FLNA: variants seen among roughly 807,000 people sequenced by gnomAD.
FLNA encodes the protein filamin A.
A neutral mutation model predicts 157.6 loss-of-function variants in FLNA; 7 were observed. The observed-to-expected ratio is 0.04, with a 90% confidence interval of 0.03 to 0.08. The LOEUF (loss-of-function observed/expected upper bound fraction) is 0.08, where lower values mean the gene tolerates loss of function less well. Ranked by LOEUF, FLNA falls within the 10% of genes least tolerant of loss-of-function variation. The pLI is 1.00. For missense variants in FLNA, 1,750 were observed against 2,398.4 expected, an observed-to-expected ratio of 0.73 and a Z score of 5.65; for synonymous variants, 1,103 against 1,060.8, an observed-to-expected ratio of 1.04 and a Z score of -0.77.
Position 154,348,791 on chromosome X carries a change from G to C in FLNA, c.*58C>G. ...GGGCCGGGGTTGAGGGGAAGAGGGCGGGGCTGCTTGGGTAGCGGGGCAGGC... is the reference window on the plus strand; with the variant it reads ...GGGCCGGGGTTGAGGGGAAGAGGGCCGGGCTGCTTGGGTAGCGGGGCAGGC... On this transcript the variant is annotated 3_prime_UTR_variant, in exon 48 of 48. Coordinates refer to ENST00000369850, the MANE Select transcript of FLNA (RefSeq NM_001110556.2). The C allele has an allele frequency of 9.1e-7, 1 of 1,104,744 alleles. No homozygotes were observed. The highest frequency in any genetic ancestry group is 1.2e-6 in the Non-Finnish European group (1 of 811,846). 91.0% of individuals were successfully genotyped at this position (1,104,744 alleles called of 1,213,427 possible). A position where few individuals can be genotyped will look rare whatever the true frequency, so the allele number is the denominator to read the frequency against.
chrX:154,360,717 G>C (rs1557177835), intron 21 of FLNA, 130 bp from the exon 22 acceptor site: 1 of 594,152 alleles, frequency 1.7e-6, no homozygotes, highest in Non-Finnish European at 2.7e-6. Context: ...GGCGGGCCCA[G>C]GCTGCCTGCC....
chrX:154,350,490 TG>T, intron 44 of FLNA: 1 of 412,332 alleles, frequency 2.4e-6, no homozygotes, highest in South Asian at 3.5e-5. Flanking sequence ...CCATATCCCC[TG>T]CATGTTAACA....
At chrX:154,369,749 C>T (rs1025416554) in intron 2 of FLNA, among the ~76,000 whole-genome samples, 9 of 111,779 alleles carry the variant, frequency 8.1e-5, no homozygotes, top group Admixed American at 7.5e-4. Context: ...CTCAGCTTGG[C>T]TAGACTGAGG....
rs1398472376 is a variant in FLNA at position 154,348,599 on chromosome X, C to T, written c.*250G>A. 7.9e-6 allele frequency: 3 copies of T among 379,267 alleles called. No individual in the cohort carries two copies. The Admixed American group carries it at 1.5e-4, about 19-fold the overall frequency. The allele number at this position is 379,267 out of a possible 1,213,427, so 31.3% of individuals were successfully genotyped here. On this transcript the variant is annotated 3_prime_UTR_variant, in exon 48 of 48. Coordinates refer to ENST00000369850, the MANE Select transcript of FLNA (RefSeq NM_001110556.2). ...TAGTGGGTGGTTGTGTACAGGACCC[C>T]CATCCCTCACCCCTCCCAGAACCAA...
Position 154,359,474 on chromosome X carries a change from G to A in FLNA, c.4142+10C>T, listed in dbSNP as rs1428214416. On this transcript the variant is annotated intron_variant, in intron 24 of 47. Coordinates refer to ENST00000369850, the MANE Select transcript of FLNA (RefSeq NM_001110556.2). ...CCACCAGCCACACGGGCTCCTGGGG[G>A]CTCCCTTACCTGGTCTCCACAGTGA... 4.1e-6 allele frequency: 5 copies of A among 1,210,535 alleles called. No individual in the cohort carries two copies. The highest frequency in any genetic ancestry group is 5.6e-6 in the Non-Finnish European group (5 of 895,276).
Position 154,371,304 on chromosome X carries a change from T to A in FLNA, c.-59A>T. The A allele has an allele frequency of 8.5e-7, 1 of 1,172,805 alleles. No homozygotes were observed. The highest frequency in any genetic ancestry group is 1.9e-5 in the South Asian group (1 of 53,615). ...CAGCCTCGGCGAGGGGACGGCCCTT[T>A]AATTAAAGTCGCAGGCACCTAGGCG... On this transcript the variant is annotated 5_prime_UTR_variant, in exon 2 of 48. Coordinates refer to ENST00000369850, the MANE Select transcript of FLNA (RefSeq NM_001110556.2).
intron 13 of FLNA, 66 bp from the exon 14 acceptor site, chrX:154,364,438 G>T (rs1557178710): frequency 8.5e-7 from 1 of 1,179,863 alleles, no homozygotes; most frequent in East Asian, 3.0e-5. Flanking sequence ...ACCCAGGCAG[G>T]GTGGCCAGGG....
chrX:154,356,564 C>T (rs1238021615), intron 30 of FLNA, among the ~76,000 whole-genome samples: 1 of 113,011 alleles, frequency 8.8e-6, no homozygotes, highest in East Asian at 2.8e-4. Context: ...TGTAGCCTCT[C>T]ATCAGCATCC....
Position 154,365,163 on chromosome X carries a change from G to T in FLNA, c.1664C>A (p.Thr555Lys), listed in dbSNP as rs782611953. The T allele has an allele frequency of 5.8e-6, 7 of 1,211,714 alleles. No homozygotes were observed. The highest frequency in any genetic ancestry group is 1.8e-5 in the South Asian group (1 of 57,042). The change falls in exon 11 of 48, where the codon ACG (threonine) becomes AAG (lysine). Residue 555 changes from threonine to lysine, a missense_variant. Thr to Lys is a moderately conservative substitution (Grantham distance 78, BLOSUM62 -1). Coordinates refer to ENST00000369850, the MANE Select transcript of FLNA (RefSeq NM_001110556.2). ...MVPGTYIVTI[T>K]WGGQNIGRSP... ...GCGCCCGATGTTCTGACCACCCCAC[G>T]TGATGGTGACGATATAGGTTCCAGG...
chrX:154,366,334 G>T lies in FLNA; in HGVS notation c.1202C>A (p.Thr401Asn), dbSNP rs782816272. Residue 401 changes from threonine to asparagine, a missense_variant, in exon 8 of 48, where the codon ACC (threonine) becomes AAC (asparagine). By Grantham distance (65) the Thr-to-Asn change is moderately conservative (BLOSUM62 0). Coordinates refer to ENST00000369850, the MANE Select transcript of FLNA (RefSeq NM_001110556.2). ...LEPSGNIANKTTYFEIFTAGA... is the reference protein window; with the variant it reads ...LEPSGNIANKNTYFEIFTAGA... ...TGCCGTAAAGATCTCAAAGTAGGTG[G>T]TCTTGTTGGCGATGTTGCCACTGGG... is the stretch of plus-strand genomic sequence containing the variant. 1 of 1,212,311 alleles carries T rather than the reference G, an allele frequency of 8.2e-7. No individual in the cohort carries two copies. Among genetic ancestry groups the T allele is most frequent in the Non-Finnish European group, 1.1e-6 (1 of 895,601 alleles).
At chrX:154,356,295 C>T (rs2067662121) in intron 30 of FLNA, among the ~76,000 whole-genome samples, 1 of 111,772 alleles carries the variant, frequency 8.9e-6, no homozygotes, top group Non-Finnish European at 1.9e-5. Flanking sequence ...CTTCAGCGCC[C>T]CCTTCCCCAC....
chrX:154,353,069 G>C lies in FLNA; in HGVS notation c.6158C>G (p.Ser2053Cys). ...GTGGCCTTCGTGAAGGCCCTGACCA[G>C]AGACCCGAACACGACTGGCATCCCC... The part of the protein sequence containing the change: ...EIGDASRVRV[S>C]GQGLHEGHTF... Residue 2053 changes from serine to cysteine, a missense_variant, in exon 38 of 48, where the codon TCT (serine) becomes TGT (cysteine). Ser to Cys is a moderately radical substitution (Grantham distance 112). Transcript: ENST00000369850. The C allele has an allele frequency of 8.3e-7, 1 of 1,211,812 alleles. No homozygotes were observed.
Position 154,353,041 on chromosome X carries a change from G to A in FLNA, c.6186C>T (p.Thr2062=), listed in dbSNP as rs1569551482. 1.7e-6 allele frequency: 2 copies of A among 1,211,785 alleles called. No individual in the cohort carries two copies. The highest frequency in any genetic ancestry group is 2.2e-5 in the Admixed American group (1 of 46,131). Residue 2062 remains threonine, a synonymous_variant, in exon 38 of 48, where the codon ACC becomes ACT. Coordinates refer to ENST00000369850, the MANE Select transcript of FLNA (RefSeq NM_001110556.2). ...CAATGATAAACTCTGCAGGCTCAAA[G>A]GTGTGGCCTTCGTGAAGGCCCTGAC... is the stretch of plus-strand genomic sequence containing the variant. ...VSGQGLHEGH[T]FEPAEFIIDT...
At position 154,361,795 on chromosome X, in the gene FLNA, G is replaced by T. The variant is rs2148113817; in HGVS notation, c.2827-8C>A. ...ATTGACGCCTACTGGACCCTGGGAA[G>T]GGTGCAGAAGGGAAGGGGGTATTTA... is the stretch of plus-strand genomic sequence containing the variant. On this transcript the variant is annotated splice_region_variant and splice_polypyrimidine_tract_variant and intron_variant, in intron 19 of 47. Transcript: ENST00000369850. The T allele has an allele frequency of 1.7e-6, 2 of 1,169,227 alleles. No homozygotes were observed. The highest frequency in any genetic ancestry group is 2.3e-6 in the Non-Finnish European group (2 of 857,512).
At position 154,348,607 on chromosome X, in the gene FLNA, C is replaced by T. The variant is rs977482699; in HGVS notation, c.*242G>A. 2 of 384,757 alleles carry T rather than the reference C, an allele frequency of 5.2e-6. No homozygotes were observed. Among genetic ancestry groups the T allele is most frequent in the Admixed American group, 9.8e-5 (2 of 20,439 alleles). 31.7% of individuals were successfully genotyped at this position (384,757 alleles called of 1,213,427 possible). On this transcript the variant is annotated 3_prime_UTR_variant, in exon 48 of 48. Transcript: ENST00000369850. ...GGTTGTGTACAGGACCCCCATCCCT[C>T]ACCCCTCCCAGAACCAAAGAAGACA...
chrX:154,349,324 T>C (rs1305615786), intron 47 of FLNA, 38 bp downstream of exon 47: 4 of 1,172,976 alleles, frequency 3.4e-6, no homozygotes, highest in Non-Finnish European at 4.7e-6. Context: ...CTGGCCTCAT[T>C]TTGGTGGGAA....
At position 154,353,353 on chromosome X, in the gene FLNA, G is replaced by A. The variant is rs1557176194; in HGVS notation, c.5965C>T (p.Pro1989Ser). The change falls in exon 37 of 48, where the codon CCG (proline) becomes TCG (serine). Residue 1989 changes from proline (P) to serine (S), a missense_variant. By Grantham distance (74) the Pro-to-Ser change is moderately conservative. This residue lies in a region of FLNA where 970 missense variants were observed against 1,302.6 expected (regional missense o/e 0.74). Transcript: ENST00000369850. The part of the protein sequence containing the change: ...DLSLLTATVV[P>S]PSGREEPCLL... Reference sequence around the variant, plus strand: ...CAGGGCTCCTCCCGGCCCGAGGGCGGGACCACAGTGGCCGTCAGCAGGCTG... The same window carrying A: ...CAGGGCTCCTCCCGGCCCGAGGGCGAGACCACAGTGGCCGTCAGCAGGCTG... 4.1e-6 allele frequency: 5 copies of A among 1,210,671 alleles called. No homozygotes were observed. In the African/African-American group the frequency reaches 7.0e-5, roughly 17 times the overall value.
Position 154,354,869 on chromosome X carries a change from G to A in FLNA, c.5173C>T (p.Arg1725Cys), listed in dbSNP as rs1195468267. 8 of 1,210,868 alleles carry A rather than the reference G, an allele frequency of 6.6e-6. No homozygotes were observed. The highest frequency in any genetic ancestry group is 3.5e-5 in the South Asian group (2 of 56,980). The change falls in exon 31 of 48, where the codon CGC becomes TGC. Residue 1725 changes from arginine to cysteine, a missense_variant. Physicochemically the swap from Arg to Cys is radical, Grantham distance 180. This residue lies in a region of FLNA where 970 missense variants were observed against 1,302.6 expected (regional missense o/e 0.74). Transcript: ENST00000369850. ...TTGGGCACGTGCTCGCCACCAAAGCGCACACAGATGACGTATTTGCCCGGC... is the reference window on the plus strand; with the variant it reads ...TTGGGCACGTGCTCGCCACCAAAGCACACACAGATGACGTATTTGCCCGGC... ...PQPGKYVICV[R>C]FGGEHVPNSP...
rs7888047 is a variant in FLNA at position 154,362,980 on chromosome X, A to G, written c.2281-196T>C. On this transcript the variant is annotated intron_variant, in intron 15 of 47. Coordinates refer to ENST00000369850, the MANE Select transcript of FLNA (RefSeq NM_001110556.2). ...AACTACCCAAGAGAAATGAAAGCAA[A>G]TGTCCACGCAAACACCTGGACTCAC... 0.097 allele frequency among the ~76,000 whole-genome samples: 10,943 copies of G among 112,247 alleles called. 1,332 individuals carry two copies. Among genetic ancestry groups the G allele is most frequent in the African/African-American group, 0.34 (10,295 of 30,681 alleles).
Sources: gnomAD v4.1 joint callset for allele counts (sites outside exome capture counted in the v4.1 genomes callset) on GRCh38, gnomAD v4.1.1 for gene constraint, gnomAD v4.1.1 regional missense constraint, MANE v1.5 for transcripts, NCBI Gene and HGNC (gene_info 2026-07-23, HGNC 2026-07-21) for gene names.